Variants in NELL1 observed in about 807,000 individuals in gnomAD.
The protein encoded by NELL1 is neural EGFL like 1, also known as protein kinase C-binding protein NELL1.
Under a neutral mutation model 107.4 loss-of-function variants are expected in NELL1, and 76 were observed. The ratio of observed to expected loss-of-function variants is 0.71; its 90% confidence interval spans 0.59 to 0.86. NELL1 has a LOEUF of 0.86. NELL1 is among the 40% of genes least tolerant of loss of function. The probability of loss-of-function intolerance (pLI) is 0.00; values close to 1 mark genes in which losing one functional copy is unlikely to be tolerated. For missense variants in NELL1, 1,024 were observed against 1,005.5 expected (o/e 1.02, Z -0.25); for synonymous variants, 353 against 341.2 (o/e 1.03, Z -0.38).
intron 15 of NELL1, among the ~76,000 whole-genome samples, chr11:21,382,900 T>G (rs1400397899): frequency 1.3e-5 from 2 of 151,860 alleles, no homozygotes; most frequent in Non-Finnish European, 2.9e-5. Flanking sequence ...TCCTGGGAAA[T>G]ACAAACACCA....
At chr11:20,767,069 A>G (rs1856548002) in intron 2 of NELL1, among the ~76,000 whole-genome samples, 1 of 152,064 alleles carries the variant, frequency 6.6e-6, no homozygotes, top group African/African-American at 2.4e-5. Context: ...ATCAATCACG[A>G]TAGTCTGTTA....
chr11:20,973,390 G>C (rs1262490596), intron 12 of NELL1, among the ~76,000 whole-genome samples: 1 of 152,162 alleles, frequency 6.6e-6, no homozygotes, highest in Admixed American at 6.5e-5. Flanking sequence ...TTACAGGCAT[G>C]AGCCACTGCG....
intron 15 of NELL1, among the ~76,000 whole-genome samples, chr11:21,495,268 T>C (rs1242302194): frequency 6.6e-6 from 1 of 152,156 alleles, no homozygotes; most frequent in African/African-American, 2.4e-5. Flanking sequence ...CTATGGCCTT[T>C]TGTGTCTGAC....
intron 15 of NELL1, among the ~76,000 whole-genome samples, chr11:21,506,580 C>T (rs1466141549): frequency 6.6e-6 from 1 of 152,164 alleles, no homozygotes; most frequent in Non-Finnish European, 1.5e-5. Context: ...GAAAATGGGA[C>T]ATGGGGCCAA....
chr11:21,458,627 G>A (rs978424463), intron 15 of NELL1, among the ~76,000 whole-genome samples: 5 of 152,068 alleles, frequency 3.3e-5, no homozygotes, highest in Non-Finnish European at 5.9e-5. Context: ...AAAGCTGAAT[G>A]CAGAGTGTAA....
At chr11:21,502,138 G>C (rs1855159802) in intron 15 of NELL1, among the ~76,000 whole-genome samples, 1 of 152,166 alleles carries the variant, frequency 6.6e-6, no homozygotes, top group Non-Finnish European at 1.5e-5. Context: ...ATAAATAATG[G>C]AGGTAAAAGA....
chr11:20,890,211 G>C (rs1228888933), intron 5 of NELL1, among the ~76,000 whole-genome samples: 2 of 152,102 alleles, frequency 1.3e-5, no homozygotes. Context: ...GAGTGAAGCA[G>C]GTGAACAGGG....
chr11:20,739,814 T>C (rs528959063), intron 2 of NELL1, among the ~76,000 whole-genome samples: 72 of 152,226 alleles, frequency 4.7e-4, no homozygotes, highest in Middle Eastern at 3.4e-3. Flanking sequence ...AGAAAGGAAG[T>C]AGTGAAATGG....
intron 3 of NELL1, among the ~76,000 whole-genome samples, chr11:20,796,766 C>G (rs113818471): frequency 0.014 from 2,099 of 152,174 alleles, 59 homozygotes; most frequent in African/African-American, 0.048. Context: ...AGAGTGGAGA[C>G]AGTCAAAGAA....
chr11:20,676,402 A>G (rs747403139), intron 1 of NELL1, among the ~76,000 whole-genome samples: 2 of 152,138 alleles, frequency 1.3e-5, no homozygotes, highest in African/African-American at 2.4e-5. Context: ...CTATATAGTA[A>G]GCACTCAGTA....
At chr11:20,910,270 T>A (rs935702670) in intron 5 of NELL1, among the ~76,000 whole-genome samples, 55 of 152,262 alleles carry the variant, frequency 3.6e-4, no homozygotes, top group African/African-American at 1.2e-3. Flanking sequence ...AGGCCTAGGC[T>A]GGGAACTGGC....
intron 2 of NELL1, among the ~76,000 whole-genome samples, chr11:20,751,372 A>T (rs1346747487): frequency 6.6e-6 from 1 of 152,238 alleles, no homozygotes; most frequent in Non-Finnish European, 1.5e-5. Context: ...TCCATGACTC[A>T]ATCCATCAAC....
chr11:20,895,072 C>T (rs1590389798), intron 5 of NELL1, among the ~76,000 whole-genome samples: 1 of 143,494 alleles, frequency 7.0e-6, no homozygotes, highest in South Asian at 2.1e-4. Flanking sequence ...GAGATCGAGA[C>T]CATCCCGGCT....
At chr11:21,222,177 T>G (rs1857774010) in intron 13 of NELL1, among the ~76,000 whole-genome samples, 1 of 151,568 alleles carries the variant, frequency 6.6e-6, no homozygotes, top group Non-Finnish European at 1.5e-5. Context: ...TTTGTTTGTT[T>G]GTTTTGTTTT....
intron 13 of NELL1, among the ~76,000 whole-genome samples, chr11:21,161,243 A>G (rs1352398705): frequency 1.3e-5 from 2 of 152,106 alleles, no homozygotes; most frequent in African/African-American, 2.4e-5. Context: ...TGTCATTTAG[A>G]ACTGCCATCA....
intron 14 of NELL1, among the ~76,000 whole-genome samples, chr11:21,361,067 T>C (rs536331368): frequency 6.6e-6 from 1 of 152,304 alleles, no homozygotes; most frequent in Non-Finnish European, 1.5e-5. Context: ...TCCTGTGAAA[T>C]GTATGCTTTA....
At position 21,422,356 on chromosome 11, in the gene NELL1, C is replaced by T. The variant is rs562142764; in HGVS notation, c.1645+51408C>T. On this transcript the variant is annotated intron_variant, in intron 15 of 19. Coordinates refer to ENST00000357134, the MANE Select transcript of NELL1 (RefSeq NM_006157.5). Reference sequence around the variant, plus strand: ...GTATTATTGTAACAATTTGTAACTCCATTTTTTAATTTTACATGATTTAAG... The same window carrying T: ...GTATTATTGTAACAATTTGTAACTCTATTTTTTAATTTTACATGATTTAAG... 2.0e-5 allele frequency among the ~76,000 whole-genome samples: 3 copies of T among 152,082 alleles called. No homozygotes were observed. The South Asian group carries it at 6.2e-4, about 32-fold the overall frequency.
At chr11:21,481,259 C>T (rs183267819) in intron 15 of NELL1, among the ~76,000 whole-genome samples, 16 of 152,298 alleles carry the variant, frequency 1.1e-4, no homozygotes, top group Non-Finnish European at 2.1e-4. Flanking sequence ...AAGACAGCTT[C>T]ATAAAGGGCT....
intron 15 of NELL1, among the ~76,000 whole-genome samples, chr11:21,395,417 AT>A: frequency 6.6e-6 from 1 of 151,696 alleles, no homozygotes; most frequent in South Asian, 2.1e-4. Flanking sequence ...TTATGAAATG[AT>A]TTTAGAGAAC....
Sources: allele counts gnomAD v4.1 joint callset (sites outside exome capture counted in the v4.1 genomes callset), GRCh38; gene constraint gnomAD v4.1.1; transcripts MANE v1.5; gene names NCBI Gene and HGNC (gene_info 2026-07-23, HGNC 2026-07-21).